The following FTO variants were observed in gnomAD, a reference collection of about 807,000 sequenced individuals.
The protein encoded by FTO is alpha-ketoglutarate-dependent dioxygenase FTO.
Under a neutral mutation model 63.9 loss-of-function variants are expected in FTO, and 47 were observed. The observed-to-expected ratio is 0.74, with a 90% CI of 0.58 to 0.94. The LOEUF is 0.94. Ranked by LOEUF, FTO falls within the 40% of genes least tolerant of loss-of-function variation. The pLI, the probability that FTO is intolerant of heterozygous loss-of-function variation, is 0.00. For missense variants in FTO, 562 were observed against 618.1 expected (o/e 0.91, Z 0.96); for synonymous variants, 207 against 224.4 (o/e 0.92, Z 0.69).
In FTO at chr16:54,037,039, C is replaced by T. The variant is rs751426642; in HGVS notation, c.1365-74723C>T. 2.6e-5 allele frequency among the ~76,000 whole-genome samples: 4 copies of T among 152,148 alleles called. No individual in the cohort carries two copies. In the South Asian group the frequency reaches 6.2e-4, roughly 24 times the overall value. ...CAACTGCCACTGTATCTTTGGGCCA[C>T]GTGACCAAAAAGATGGTTACCAATG... On this transcript the variant is annotated intron_variant, in intron 8 of 8. Transcript: ENST00000471389.
At chr16:53,758,909 T>A (rs1396366529) in intron 1 of FTO, among the ~76,000 whole-genome samples, 1 of 151,820 alleles carries the variant, frequency 6.6e-6, no homozygotes, top group Non-Finnish European at 1.5e-5. Context: ...CTTATACATT[T>A]AAAAAAAAGT....
chr16:53,945,183 T>A (rs1256423363), intron 8 of FTO, among the ~76,000 whole-genome samples: 1 of 152,136 alleles, frequency 6.6e-6, no homozygotes, highest in Non-Finnish European at 1.5e-5. Flanking sequence ...ATACGTGAGA[T>A]CCCCGGGAGC....
chr16:53,794,317 A>G (rs548119182), intron 1 of FTO, among the ~76,000 whole-genome samples: 1 of 152,338 alleles, frequency 6.6e-6, no homozygotes, highest in South Asian at 2.1e-4. Context: ...AATGGCAGAT[A>G]TAATGCATTA....
At chr16:54,069,650 TA>T (rs1367883727) in intron 8 of FTO, among the ~76,000 whole-genome samples, 3 of 152,176 alleles carry the variant, frequency 2.0e-5, no homozygotes, top group African/African-American at 7.2e-5. Context: ...TCATAAGTAT[TA>T]TTTTTTTTTA....
chr16:53,785,926 A>AG (rs1309867167), intron 1 of FTO, among the ~76,000 whole-genome samples: 2 of 151,894 alleles, frequency 1.3e-5, no homozygotes, highest in East Asian at 3.9e-4. Flanking sequence ...AAAAAAAAAA[A>AG]AAAAGAAAGT....
intron 8 of FTO, 28 bp downstream of exon 8, chr16:53,934,137 TTG>T: frequency 6.2e-7 from 1 of 1,613,728 alleles, no homozygotes; most frequent in Non-Finnish European, 8.5e-7. Flanking sequence ...ATGGGATTTG[TTG>T]TTCTTGACAA....
At chr16:53,933,889 A>G (rs2082332575) in intron 7 of FTO, 96 bp from the exon 8 acceptor site, 1 of 1,242,086 alleles carries the variant, frequency 8.1e-7, no homozygotes, top group African/African-American at 1.5e-5. Context: ...ACTGTAATAA[A>G]AAAGCCATTG....
chr16:54,027,353 G>A (rs1401167757), intron 8 of FTO, among the ~76,000 whole-genome samples: 2 of 151,990 alleles, frequency 1.3e-5, no homozygotes, highest in South Asian at 2.1e-4. Context: ...GCTTGATAAG[G>A]GAATGAGTAA....
chr16:54,062,711 A>C (rs1231239958), intron 8 of FTO, among the ~76,000 whole-genome samples: 1 of 152,098 alleles, frequency 6.6e-6, no homozygotes, highest in Non-Finnish European at 1.5e-5. Flanking sequence ...AAGGAGAGAG[A>C]ATCATTTGTG....
rs966268224 is a variant in FTO at position 54,117,220 on chromosome 16, G to A, written c.*5305G>A. On this transcript the variant is annotated 3_prime_UTR_variant, in exon 9 of 9. Transcript: ENST00000471389. ...GAATAGTAGTAATCCATCACCTAAG[G>A]TTGTTGTGAAGGTTCAATAAGTTAA... 6.6e-6 allele frequency: 1 copy of A among 152,134 alleles called. No individual in the cohort carries two copies. Among genetic ancestry groups the A allele is most frequent in the African/African-American group, 2.4e-5 (1 of 41,428 alleles). The allele number at this position is 152,134 out of a possible 1,614,324, so 9.4% of individuals were successfully genotyped here. A position where few individuals can be genotyped will look rare whatever the true frequency, so the allele number is the denominator to read the frequency against.
Position 53,975,528 on chromosome 16 carries a change from A to G in FTO, c.1364+41419A>G, listed in dbSNP as rs76613359. Among the ~76,000 whole-genome samples the G allele has an allele frequency of 8.1e-3, 1,232 of 152,218 alleles. 16 individuals carry two copies. Among genetic ancestry groups the G allele is most frequent in the African/African-American group, 0.027 (1,116 of 41,530 alleles). Reference sequence around the variant, plus strand: ...ACATTTTACTTGGCAAAGTTATTCTAAATATTGGCTTTCTTCCCTAAAGAT... The same window carrying G: ...ACATTTTACTTGGCAAAGTTATTCTGAATATTGGCTTTCTTCCCTAAAGAT... On this transcript the variant is annotated intron_variant, in intron 8 of 8. Transcript: ENST00000471389.
intron 6 of FTO, among the ~76,000 whole-genome samples, chr16:53,881,327 T>C (rs1441646690): frequency 1.3e-5 from 2 of 152,154 alleles, no homozygotes; most frequent in Non-Finnish European, 2.9e-5. Flanking sequence ...CAAAGGATAG[T>C]AAGCATGCCT....
At chr16:53,914,260 C>CT (rs57500134) in intron 7 of FTO, among the ~76,000 whole-genome samples, 24,901 of 144,246 alleles carry the variant, frequency 0.17, 2,653 homozygotes, top group African/African-American at 0.3. Context: ...TTTCTTTTTT[C>CT]TTTTTTTTTT....
chr16:53,705,483 G>A (rs1055641165), intron 1 of FTO, among the ~76,000 whole-genome samples: 1 of 152,152 alleles, frequency 6.6e-6, no homozygotes. Context: ...TCTATGTTAG[G>A]CAAATATTGG....
intron 8 of FTO, among the ~76,000 whole-genome samples, chr16:54,077,342 G>A (rs1012574790): frequency 4.6e-5 from 7 of 152,128 alleles, no homozygotes; most frequent in Non-Finnish European, 8.8e-5. Flanking sequence ...AACGCTGTGT[G>A]GAGTCAAGTG....
rs966242598 is a variant in FTO at position 53,804,280 on chromosome 16, T to C, written c.46-5860T>C. ...GTTTGAATGCTATTTGCCTAATATC[T>C]GCATAGTTTATAGTTTGCAAAAGGC... On this transcript the variant is annotated intron_variant, in intron 1 of 8. Transcript: ENST00000471389. Among the ~76,000 whole-genome samples, 4 of 152,222 alleles carry C rather than the reference T, an allele frequency of 2.6e-5. No homozygotes were observed. In the South Asian group the frequency reaches 6.2e-4, roughly 24 times the overall value.
chr16:53,977,665 T>C, intron 8 of FTO, among the ~76,000 whole-genome samples: 1 of 152,218 alleles, frequency 6.6e-6, no homozygotes, highest in Non-Finnish European at 1.5e-5. Context: ...CCTCCTATCT[T>C]CTTTATGGGG....
At chr16:53,907,167 A>T (rs1474437786) in intron 7 of FTO, among the ~76,000 whole-genome samples, 1 of 152,208 alleles carries the variant, frequency 6.6e-6, no homozygotes, top group Non-Finnish European at 1.5e-5. Context: ...CTGTGTCCTG[A>T]TATACCCATT....
intron 4 of FTO, among the ~76,000 whole-genome samples, chr16:53,844,521 A>G (rs57103849): frequency 0.37 from 56,300 of 152,012 alleles, 10,563 homozygotes; most frequent in South Asian, 0.46. Context: ...GTGCAGTGGC[A>G]CAATCTCTGC....
Sources: allele counts gnomAD v4.1 joint callset (sites outside exome capture counted in the v4.1 genomes callset), GRCh38; gene constraint gnomAD v4.1.1; transcripts MANE v1.5; gene names NCBI Gene and HGNC (gene_info 2026-07-23, HGNC 2026-07-21).